The following THRA variants were observed in gnomAD, a reference collection of about 807,000 sequenced individuals.
THRA encodes the protein EAR-7.
A neutral mutation model predicts 45.0 loss-of-function variants in THRA; 13 were observed. That is an observed-to-expected ratio of 0.29 (90% CI 0.19 to 0.46). The LOEUF is 0.46. Among genes scored for constraint, THRA ranks in the 20% least tolerant of loss-of-function variants. The pLI is 1.00. For missense variants in THRA, 278 were observed against 556.1 expected (o/e 0.50, Z 5.03); for synonymous variants, 195 against 214.0 (o/e 0.91, Z 0.78).
At chr17:40,083,503 G>A (rs1212421340) in intron 4 of THRA, among the ~76,000 whole-genome samples, 2 of 152,230 alleles carry the variant, frequency 1.3e-5, no homozygotes, top group African/African-American at 2.4e-5. Flanking sequence ...GTGCGCCACC[G>A]CGCCCGGCGA....
At chr17:40,065,473 G>T (rs771594385) in intron 1 of THRA, among the ~76,000 whole-genome samples, 5 of 152,176 alleles carry the variant, frequency 3.3e-5, no homozygotes, top group African/African-American at 7.2e-5. Context: ...GTCTTGCAGT[G>T]TCTGATTCTC....
intron 4 of THRA, among the ~76,000 whole-genome samples, chr17:40,083,276 C>G (rs1987211017): frequency 6.6e-6 from 1 of 151,298 alleles, no homozygotes; most frequent in South Asian, 2.1e-4. Context: ...ACCATGTTGG[C>G]CAGGGTGATC....
Position 40,089,289 on chromosome 17 carries a change from C to T in THRA, c.1066C>T (p.Arg356Cys), listed in dbSNP as rs752818915. 5.6e-6 allele frequency: 9 copies of T among 1,614,010 alleles called. No individual in the cohort carries two copies. Among genetic ancestry groups the T allele is most frequent in the East Asian group, 2.2e-5 (1 of 44,868 alleles). The change falls in exon 9 of 9, where the codon CGC becomes TGC. Residue 356 changes from arginine to cysteine, a missense_variant. This residue lies in a region of THRA where 66 missense variants were observed against 94.7 expected (regional missense o/e 0.70). Transcript: ENST00000450525. The surrounding 1 kb of genome is among the most constrained non-coding windows in gnomAD (Gnocchi z 6.1). ...LLAFEHYVNHRKHNIPHFWPK... is the reference protein window; with the variant it reads ...LLAFEHYVNHCKHNIPHFWPK... ...GGCGTTCGAGCACTACGTCAACCACCGCAAACACAACATTCCGCACTTCTG... is the reference window on the plus strand; with the variant it reads ...GGCGTTCGAGCACTACGTCAACCACTGCAAACACAACATTCCGCACTTCTG...
At position 40,089,147 on chromosome 17, in the gene THRA, C is replaced by T; in HGVS notation, c.983-59C>T. ...TCTTCCCACGTCCCCACACCTCACC[C>T]TCCCCATCTCCAGGCCTTCGGCCAG... On this transcript the variant is annotated intron_variant, in intron 8 of 8. Coordinates refer to ENST00000450525, the MANE Select transcript of THRA (RefSeq NM_199334.5). The surrounding 1 kb of genome is among the most constrained non-coding windows in gnomAD (Gnocchi z 6.1). 6.4e-7 allele frequency: 1 copy of T among 1,552,876 alleles called. No homozygotes were observed. The highest frequency in any genetic ancestry group is 8.8e-7 in the Non-Finnish European group (1 of 1,133,554).
chr17:40,080,997 C>G (rs1241200809), intron 4 of THRA, among the ~76,000 whole-genome samples: 1 of 151,810 alleles, frequency 6.6e-6, no homozygotes, highest in Non-Finnish European at 1.5e-5. Flanking sequence ...GCTGGGATTA[C>G]AGGCGTGAGC....
chr17:40,064,992 C>T (rs370624403), intron 1 of THRA, among the ~76,000 whole-genome samples: 2 of 152,186 alleles, frequency 1.3e-5, no homozygotes, highest in East Asian at 1.9e-4. Context: ...TTTTCCCCTT[C>T]AGCTTCCTCC....
In THRA at chr17:40,090,074, A is replaced by G; in HGVS notation, c.*618A>G. The G allele has an allele frequency of 1.0e-6, 1 of 977,546 alleles. No individual in the cohort carries two copies. Among genetic ancestry groups the G allele is most frequent in the African/African-American group, 1.8e-5 (1 of 57,060 alleles). 60.6% of individuals were successfully genotyped at this position (977,546 alleles called of 1,614,324 possible). ...AAAAGAGAGAGCGAGCGATAGAGAG[A>G]GATGATATTAAGTTATTAACTGAGG... On this transcript the variant is annotated 3_prime_UTR_variant, in exon 9 of 9. Coordinates refer to ENST00000450525, the MANE Select transcript of THRA (RefSeq NM_199334.5).
intron 4 of THRA, among the ~76,000 whole-genome samples, chr17:40,082,758 C>CCTTTTTTTTTTTT (rs1389256940): frequency 1.5e-5 from 1 of 67,516 alleles, no homozygotes; most frequent in Non-Finnish European, 2.9e-5. Flanking sequence ...GAATCGCATG[C>CCTTTTTTTTTTTT]TTTTTTTTTT....
At chr17:40,069,293 C>T (rs1986692046) in intron 1 of THRA, among the ~76,000 whole-genome samples, 1 of 150,114 alleles carries the variant, frequency 6.7e-6, no homozygotes, top group Non-Finnish European at 1.5e-5. Context: ...CTGTCTCTGT[C>T]TCTGTCTCTC....
chr17:40,092,769 C>T lies in THRA; in HGVS notation c.*3313C>T, dbSNP rs909880395. 19 of 426,736 alleles carry T rather than the reference C, an allele frequency of 4.5e-5. No homozygotes were observed. The East Asian group carries it at 5.5e-4, about 12-fold the overall frequency. The allele number at this position is 426,736 out of a possible 1,614,324, so 26.4% of individuals were successfully genotyped here. A position where few individuals can be genotyped will look rare whatever the true frequency, so the allele number is the denominator to read the frequency against. ...CAGTATTTCCACCCCACCCCCCAAA[C>T]GAGCACACACCACAGAAGCCAGCTC... On this transcript the variant is annotated 3_prime_UTR_variant, in exon 9 of 9. Coordinates refer to ENST00000450525, the MANE Select transcript of THRA (RefSeq NM_199334.5).
At chr17:40,073,846 A>G (rs1986860201) in intron 1 of THRA, among the ~76,000 whole-genome samples, 1 of 152,084 alleles carries the variant, frequency 6.6e-6, no homozygotes. Context: ...GTTTCAGGAA[A>G]GCTTTTCTAG....
intron 1 of THRA, among the ~76,000 whole-genome samples, chr17:40,063,433 C>A (rs546265258): frequency 6.6e-6 from 1 of 152,106 alleles, no homozygotes; most frequent in African/African-American, 2.4e-5. Flanking sequence ...CGCCGGAGCT[C>A]CCCCGCCCGC....
chr17:40,075,615 A>G (rs1986924645), intron 2 of THRA, among the ~76,000 whole-genome samples: 1 of 152,222 alleles, frequency 6.6e-6, no homozygotes, highest in Admixed American at 6.5e-5. Context: ...GTTTGGAGAA[A>G]GGCAGGAATG....
At chr17:40,093,346 C>CT (rs753101650), downstream of THRA, 1 of 1,612,692 alleles carries the variant, frequency 6.2e-7, no homozygotes, top group Admixed American at 1.7e-5. This position sits in a 1 kb window ranked among gnomAD's most constrained non-coding sequence, Gnocchi z 5.9. Context: ...AACCGGAGGT[C>CT]TGCGAGGACC....
chr17:40,077,793 T>G (rs1268277925), intron 4 of THRA, among the ~76,000 whole-genome samples, 185 bp downstream of exon 4: 1 of 151,930 alleles, frequency 6.6e-6, no homozygotes, highest in Non-Finnish European at 1.5e-5. Flanking sequence ...CGCCTTCAGG[T>G]TCAAGTGATT....
In THRA at chr17:40,092,916, G is replaced by T; in HGVS notation, c.*3460G>T. On this transcript the variant is annotated 3_prime_UTR_variant, in exon 9 of 9. Coordinates refer to ENST00000450525, the MANE Select transcript of THRA (RefSeq NM_199334.5). ...GGAAGTTCGGTGATGGGGGAGGGAGGCAGGTATTTACAAGAAGGCTCAGGG... is the reference window on the plus strand; with the variant it reads ...GGAAGTTCGGTGATGGGGGAGGGAGTCAGGTATTTACAAGAAGGCTCAGGG... The T allele has an allele frequency of 6.8e-7, 1 of 1,470,266 alleles. No individual in the cohort carries two copies. Among genetic ancestry groups the T allele is most frequent in the Non-Finnish European group, 9.1e-7 (1 of 1,101,224 alleles). The allele number at this position is 1,470,266 out of a possible 1,614,324, so 91.1% of individuals were successfully genotyped here.
chr17:40,088,532 G>T, intron 8 of THRA, 32 bp downstream of exon 8: 1 of 1,581,654 alleles, frequency 6.3e-7, no homozygotes, highest in Non-Finnish European at 8.6e-7. Context: ...GGGCTCAGAA[G>T]CTTCCAGGGG....
At chr17:40,084,397 A>T (rs541980942) in intron 5 of THRA, 2 of 590,854 alleles carry the variant, frequency 3.4e-6, no homozygotes, top group African/African-American at 3.7e-5. Flanking sequence ...CATGATATTC[A>T]TCTGGATCAG....
chr17:40,087,603 G>A lies in THRA; in HGVS notation c.724-639G>A, dbSNP rs959904738. Among the ~76,000 whole-genome samples the A allele has an allele frequency of 4.6e-5, 7 of 152,144 alleles. No individual in the cohort carries two copies. In the South Asian group the frequency reaches 8.3e-4, roughly 18 times the overall value. On this transcript the variant is annotated intron_variant, in intron 7 of 8. Coordinates refer to ENST00000450525, the MANE Select transcript of THRA (RefSeq NM_199334.5). The stretch of plus-strand genomic sequence containing the variant: ...AAGTCTATGCGGCCACCCAACTCCA[G>A]GCAGCCTGAAAGTTCTCATTTTCCA...
Sources: allele counts gnomAD v4.1 joint callset (sites outside exome capture counted in the v4.1 genomes callset), GRCh38; gene constraint gnomAD v4.1.1; regional missense constraint gnomAD v4.1.1; non-coding constraint Gnocchi (gnomAD v3.1); transcripts MANE v1.5; gene names NCBI Gene and HGNC (gene_info 2026-07-23, HGNC 2026-07-21).